Variants in OTOG observed in about 807,000 individuals in gnomAD.
The protein encoded by OTOG is otogelin.
A neutral mutation model predicts 313.8 loss-of-function variants in OTOG; 296 were observed. That is an observed-to-expected ratio of 0.94 (90% confidence interval 0.86 to 1.04). The LOEUF (loss-of-function observed/expected upper bound fraction) is 1.04, where lower values mean the gene tolerates loss of function less well. Ranked by LOEUF, OTOG falls within the 50% of genes least tolerant of loss-of-function variation. The pLI is 0.00. For missense variants in OTOG, 3,948 were observed against 3,840.1 expected (o/e 1.03, Z -0.74); for synonymous variants, 1,533 against 1,554.9 (o/e 0.99, Z 0.33).
At chr11:17,554,323 C>A (rs1394002134) in intron 6 of OTOG, among the ~76,000 whole-genome samples, 1 of 152,204 alleles carries the variant, frequency 6.6e-6, no homozygotes, top group Non-Finnish European at 1.5e-5. Context: ...CAGCTGTGAG[C>A]TTCCTAGGCC....
chr11:17,592,162 G>A (rs1240674076), intron 25 of OTOG, among the ~76,000 whole-genome samples: 1 of 152,112 alleles, frequency 6.6e-6, no homozygotes. Context: ...GCACAGTGAA[G>A]GCAGGATCCC....
In OTOG at chr11:17,588,975, G is replaced by A. The variant is rs148430161; in HGVS notation, c.2867+2394G>A. Reference sequence around the variant, plus strand: ...CCTCTCTGCTGCCTCTCACCCCCTCGATGTCTCCCCTTCCCTTTTACCTCA... The same window carrying A: ...CCTCTCTGCTGCCTCTCACCCCCTCAATGTCTCCCCTTCCCTTTTACCTCA... On this transcript the variant is annotated intron_variant, in intron 24 of 55. Transcript: ENST00000399397. Among the ~76,000 whole-genome samples the A allele has an allele frequency of 6.7e-3, 1,023 of 152,020 alleles. 5 individuals are homozygous for A. Among genetic ancestry groups the A allele is most frequent in the African/African-American group, 0.019 (786 of 41,446 alleles).
At chr11:17,556,460 T>C (rs1852059881) in intron 7 of OTOG, among the ~76,000 whole-genome samples, 2 of 152,208 alleles carry the variant, frequency 1.3e-5, no homozygotes, top group Non-Finnish European at 1.5e-5. Context: ...CTGTCACTTC[T>C]TGTTGCTGTC....
intron 31 of OTOG, among the ~76,000 whole-genome samples, chr11:17,600,381 T>C (rs1199928882): frequency 6.6e-6 from 1 of 152,172 alleles, no homozygotes; most frequent in Non-Finnish European, 1.5e-5. Flanking sequence ...AGTGAGATGC[T>C]CATCTGGTCC....
In OTOG at chr11:17,577,094, C is replaced by T. The variant is rs76795280; in HGVS notation, c.2605+183C>T. On this transcript the variant is annotated intron_variant, in intron 22 of 55. Transcript: ENST00000399397. ...GGAGGGTGGCACCTGAAGCCCTGTC[C>T]CAGCCTCAGCCCCACCCTAGTGGCT... 0.054 allele frequency among the ~76,000 whole-genome samples: 8,161 copies of T among 152,320 alleles called. 301 individuals carry two copies. The highest frequency in any genetic ancestry group is 0.097 in the African/African-American group (4,022 of 41,568).
intron 24 of OTOG, among the ~76,000 whole-genome samples, chr11:17,590,957 A>G (rs1339175352): frequency 1.3e-5 from 2 of 152,168 alleles, no homozygotes; most frequent in Non-Finnish European, 2.9e-5. Context: ...CTGCTCCCCC[A>G]TAACACTCAT....
chr11:17,562,588 C>A (rs11024322), intron 15 of OTOG, among the ~76,000 whole-genome samples: 23,760 of 152,034 alleles, frequency 0.16, 2,012 homozygotes, highest in African/African-American at 0.22. Context: ...AAATTCCAAA[C>A]TATTTACTGA....
At chr11:17,557,378 C>A in intron 8 of OTOG, 55 bp downstream of exon 8, 3 of 1,505,672 alleles carry the variant, frequency 2.0e-6, no homozygotes, top group Non-Finnish European at 1.8e-6. Flanking sequence ...GGGGACAGGT[C>A]AGGCTGGGAG....
At chr11:17,555,755 C>A (rs970323182) in intron 6 of OTOG, 24 bp from the exon 7 acceptor site, 2 of 1,541,316 alleles carry the variant, frequency 1.3e-6, no homozygotes, top group Admixed American at 2.0e-5. Context: ...AGCCTGCAAA[C>A]CAGCCTCTGA....
intron 15 of OTOG, among the ~76,000 whole-genome samples, chr11:17,568,774 GAA>G (rs1350144141): frequency 5.3e-5 from 8 of 152,142 alleles, no homozygotes; most frequent in Non-Finnish European, 8.8e-5. Flanking sequence ...AACATGAAAT[GAA>G]TTATAAAAAC....
chr11:17,553,451 C>T lies in OTOG; in HGVS notation c.472C>T (p.Leu158Phe), dbSNP rs1030011828. ...VETFDGLYYY[L>F]SGKGSYTLVG... is the part of the protein sequence containing the mutation. The stretch of plus-strand genomic sequence containing the variant: ...GACATTTGATGGGCTCTACTACTAC[C>T]TCTCCGGAAAGGGCAGCTACACCCT... The change falls in exon 6 of 56, where the codon CTC becomes TTC. Residue 158 changes from leucine to phenylalanine, a missense_variant. Transcript: ENST00000399397. 1.8e-5 allele frequency: 27 copies of T among 1,470,514 alleles called. No individual in the cohort carries two copies. Among genetic ancestry groups the T allele is most frequent in the African/African-American group, 2.8e-5 (2 of 70,344 alleles). 91.1% of individuals were successfully genotyped at this position (1,470,514 alleles called of 1,614,324 possible).
chr11:17,602,310 G>A lies in OTOG; in HGVS notation c.3810G>A (p.Glu1270=). Reference sequence around the variant, plus strand: ...ATGACATAGTCCTAGTGAGGACAGAGGATGTGGCGCCAGCAGACATTGTGA... The same window carrying A: ...ATGACATAGTCCTAGTGAGGACAGAAGATGTGGCGCCAGCAGACATTGTGA... ...VGDDIVLVRT[E]DVAPADIVSF... is the part of the protein sequence containing the mutation. Residue 1270 remains glutamate, a synonymous_variant, in exon 32 of 56, where the codon GAG becomes GAA. Transcript: ENST00000399397. 5 of 1,550,626 alleles carry A rather than the reference G, an allele frequency of 3.2e-6. 1 individual carries two copies. Among genetic ancestry groups the A allele is most frequent in the South Asian group, 2.4e-5 (2 of 84,064 alleles).
At position 17,605,931 on chromosome 11, in the gene OTOG, G is replaced by C; in HGVS notation, c.3952G>C (p.Glu1318Gln). The C allele has an allele frequency of 1.9e-6, 3 of 1,550,624 alleles. No individual in the cohort carries two copies. Among genetic ancestry groups the C allele is most frequent in the Non-Finnish European group, 2.6e-6 (3 of 1,146,990 alleles). Residue 1318 changes from glutamate to glutamine, a missense_variant, in exon 33 of 56, where the codon GAG becomes CAG. Glu to Gln is a conservative substitution (Grantham distance 29). Coordinates refer to ENST00000399397, the MANE Select transcript of OTOG (RefSeq NM_001292063.2). The stretch of plus-strand genomic sequence containing the variant: ...TCACGTCACAGCCAACGGGTCTCTG[G>C]AGCTGGCTAAGTGGCAGGGCCGTGA... Reference protein sequence around the residue: ...FLHVTANGSLELAKWQGRDTF... With the variant: ...FLHVTANGSLQLAKWQGRDTF...
rs1372488778 is a variant in OTOG, at chr11:17,610,103, C to G, written c.4803C>G (p.Ile1601Met). The change falls in exon 36 of 56, where the codon ATC becomes ATG. Residue 1601 changes from isoleucine (I) to methionine (M), a missense_variant. Coordinates refer to ENST00000399397, the MANE Select transcript of OTOG (RefSeq NM_001292063.2). ...VTVIFAGSPNITVSSRSPPAP... is the reference protein window; with the variant it reads ...VTVIFAGSPNMTVSSRSPPAP... ...TGATCTTTGCAGGAAGCCCTAACAT[C>G]ACAGTCTCCTCCCGGTCGCCCCCTG... 1 of 1,550,482 alleles carries G rather than the reference C, an allele frequency of 6.4e-7. No homozygotes were observed. Among genetic ancestry groups the G allele is most frequent in the African/African-American group, 1.4e-5 (1 of 73,012 alleles).
intron 38 of OTOG, among the ~76,000 whole-genome samples, chr11:17,613,186 CTTT>C (rs1853611873): frequency 1.0e-5 from 1 of 95,338 alleles, no homozygotes; most frequent in South Asian, 3.5e-4. Flanking sequence ...TTCTTTCTTT[CTTT>C]CTTTCTTTTC....
At chr11:17,631,656 G>A in intron 40 of OTOG, 46 bp from the exon 41 acceptor site, 2 of 1,442,890 alleles carry the variant, frequency 1.4e-6, no homozygotes, top group Non-Finnish European at 1.9e-6. Flanking sequence ...CGACATGGGA[G>A]TGGTAGTGAT....
intron 39 of OTOG, 71 bp from the exon 40 acceptor site, chr11:17,629,062 G>T: frequency 7.2e-7 from 1 of 1,391,280 alleles, no homozygotes; most frequent in South Asian, 1.4e-5. Context: ...ATGGATGGAC[G>T]GACAGATGGA....
chr11:17,565,624 A>T (rs938280931), intron 15 of OTOG, among the ~76,000 whole-genome samples: 20 of 152,302 alleles, frequency 1.3e-4, no homozygotes, highest in Admixed American at 1.1e-3. Flanking sequence ...CTTTTCTGCC[A>T]GGGAGATTTG....
intron 23 of OTOG, among the ~76,000 whole-genome samples, chr11:17,585,307 AT>A (rs1222760375): frequency 1.3e-5 from 2 of 152,122 alleles, no homozygotes; most frequent in East Asian, 3.9e-4. Context: ...CGTACATCAT[AT>A]TTCCTTATTT....
Sources: gnomAD v4.1 joint callset for allele counts (sites outside exome capture counted in the v4.1 genomes callset) on GRCh38, gnomAD v4.1.1 for gene constraint, MANE v1.5 for transcripts, NCBI Gene and HGNC (gene_info 2026-07-23, HGNC 2026-07-21) for gene names.